The following PSD3 variants were observed in gnomAD, a reference collection of about 807,000 sequenced individuals.
PSD3 encodes the protein PH and SEC7 domain-containing protein 3.
Under a neutral mutation model 105.5 loss-of-function variants are expected in PSD3, and 49 were observed. The ratio of observed to expected loss-of-function variants is 0.46; its 90% CI spans 0.37 to 0.59. The LOEUF (loss-of-function observed/expected upper bound fraction) is 0.59, where lower values mean the gene tolerates loss of function less well. Among genes scored for constraint, PSD3 ranks in the 20% least tolerant of loss-of-function variants. PSD3 has a pLI of 0.00. For missense variants in PSD3, 1,561 were observed against 1,263.8 expected (o/e 1.24, Z -3.57); for synonymous variants, 557 against 457.8 (o/e 1.22, Z -2.77).
intron 2 of PSD3, among the ~76,000 whole-genome samples, chr8:18,929,971 A>G (rs940756307): frequency 6.6e-6 from 1 of 152,210 alleles, no homozygotes; most frequent in Non-Finnish European, 1.5e-5. Flanking sequence ...AGAGTGGAAG[A>G]TCGTACTTTA....
intron 1 of PSD3, among the ~76,000 whole-genome samples, chr8:19,082,721 C>T (rs1368868227): frequency 2.6e-5 from 4 of 152,158 alleles, no homozygotes; most frequent in African/African-American, 7.2e-5. Flanking sequence ...ATGGGGTTTT[C>T]AAGTCATCAG....
At chr8:18,642,919 G>C (rs778337720) in intron 10 of PSD3, among the ~76,000 whole-genome samples, 1 of 152,170 alleles carries the variant, frequency 6.6e-6, no homozygotes, top group Non-Finnish European at 1.5e-5. Flanking sequence ...CCTGAGTTCA[G>C]CTGAGAAAAC....
chr8:18,932,030 AGGT>A, intron 2 of PSD3, among the ~76,000 whole-genome samples: 1 of 152,300 alleles, frequency 6.6e-6, no homozygotes, highest in East Asian at 1.9e-4. Context: ...TAAAAGGCAA[AGGT>A]GACTTCTACT....
intron 2 of PSD3, among the ~76,000 whole-genome samples, chr8:18,902,013 A>C (rs1478375296): frequency 6.6e-6 from 1 of 152,180 alleles, no homozygotes; most frequent in South Asian, 2.1e-4. Context: ...CAGGCAAAAA[A>C]GAAAAAAGAA....
At chr8:19,062,624 A>G (rs1412882913) in intron 1 of PSD3, among the ~76,000 whole-genome samples, 8 of 152,254 alleles carry the variant, frequency 5.3e-5, no homozygotes, top group African/African-American at 9.6e-5. Context: ...AGGGAAAACC[A>G]GTATTATTTT....
chr8:19,001,890 G>GACAAGGC, intron 1 of PSD3: 1 of 185,468 alleles, frequency 5.4e-6, no homozygotes, highest in African/African-American at 2.3e-5. Context: ...AGAAACTGTG[G>GACAAGGC]ACAAGGCACA....
intron 4 of PSD3, among the ~76,000 whole-genome samples, chr8:18,864,220 G>C (rs777082208): frequency 1.3e-5 from 2 of 152,178 alleles, no homozygotes; most frequent in South Asian, 4.1e-4. Flanking sequence ...GTAAGAGCAC[G>C]GGCTCTGGAG....
At chr8:18,791,903 G>A (rs138274973) in intron 8 of PSD3, among the ~76,000 whole-genome samples, 1,726 of 152,232 alleles carry the variant, frequency 0.011, 18 homozygotes, top group Non-Finnish European at 0.018. Context: ...ACATTAAAAA[G>A]TGGGCAAAGG....
chr8:18,712,944 G>A (rs1802344857), intron 9 of PSD3, among the ~76,000 whole-genome samples: 1 of 152,138 alleles, frequency 6.6e-6, no homozygotes, highest in Non-Finnish European at 1.5e-5. Context: ...CCATGATGAA[G>A]TTGGCTTCAT....
chr8:18,662,186 C>T (rs71510615), intron 9 of PSD3, among the ~76,000 whole-genome samples: 12 of 152,090 alleles, frequency 7.9e-5, no homozygotes, highest in Non-Finnish European at 1.5e-4. Context: ...GAAAATTACT[C>T]TTCAAGCCCT....
chr8:18,613,568 C>T (rs1376051874), intron 11 of PSD3, among the ~76,000 whole-genome samples: 1 of 152,110 alleles, frequency 6.6e-6, no homozygotes, highest in Non-Finnish European at 1.5e-5. Context: ...GCTAGAGTCA[C>T]AGAATTATTT....
At chr8:18,810,040 C>T (rs1563298358) in intron 4 of PSD3, among the ~76,000 whole-genome samples, 1 of 152,130 alleles carries the variant, frequency 6.6e-6, no homozygotes. Flanking sequence ...TTTTTTCAAC[C>T]TGTCCTCTAC....
At position 18,712,108 on chromosome 8, in the gene PSD3, G is replaced by A. The variant is rs770642962; in HGVS notation, c.2172+53341C>T. Among the ~76,000 whole-genome samples the A allele has an allele frequency of 6.6e-4, 100 of 152,070 alleles. 1 individual carries two copies. Among genetic ancestry groups the A allele is most frequent in the Non-Finnish European group, 2.4e-4 (16 of 68,014 alleles). On this transcript the variant is annotated intron_variant, in intron 9 of 15. Transcript: ENST00000327040. ...ACAAAGACAATGTACCAGAATCTCTGGGACACAGCTAAAGCAATGTTAAGA... is the reference window on the plus strand; with the variant it reads ...ACAAAGACAATGTACCAGAATCTCTAGGACACAGCTAAAGCAATGTTAAGA...
At chr8:18,878,206 T>G (rs911190929) in intron 2 of PSD3, among the ~76,000 whole-genome samples, 55 of 152,340 alleles carry the variant, frequency 3.6e-4, no homozygotes, top group African/African-American at 1.3e-3. Context: ...CTATTTCTTT[T>G]GATATTGCTT....
chr8:18,720,498 T>A (rs1279940800), intron 9 of PSD3, among the ~76,000 whole-genome samples: 1 of 152,174 alleles, frequency 6.6e-6, no homozygotes, highest in Non-Finnish European at 1.5e-5. Context: ...TCAGACTACC[T>A]GGAATTATAT....
intron 4 of PSD3, among the ~76,000 whole-genome samples, chr8:18,849,927 G>A (rs184392666): frequency 5.9e-5 from 9 of 152,326 alleles, no homozygotes; most frequent in Admixed American, 5.2e-4. Context: ...CCCACCACTA[G>A]AGCTATTAAT....
intron 9 of PSD3, among the ~76,000 whole-genome samples, chr8:18,717,918 G>C (rs1802703923): frequency 6.6e-6 from 1 of 152,158 alleles, no homozygotes; most frequent in Admixed American, 6.5e-5. Context: ...TGCTCCATAG[G>C]ATTAGACTAA....
chr8:18,578,721 A>G (rs2717714), intron 12 of PSD3, among the ~76,000 whole-genome samples: 140,413 of 151,696 alleles, frequency 0.93, 65,101 homozygotes, highest in East Asian at 1. Context: ...TTCTTATGCT[A>G]CTCTTAAAAA....
At chr8:19,079,560 A>G (rs1829574917) in intron 1 of PSD3, among the ~76,000 whole-genome samples, 1 of 152,226 alleles carries the variant, frequency 6.6e-6, no homozygotes, top group Non-Finnish European at 1.5e-5. Flanking sequence ...GGCTTGAATA[A>G]CGAAATGTTT....
Sources: gnomAD v4.1 joint callset for allele counts (sites outside exome capture counted in the v4.1 genomes callset) on GRCh38, gnomAD v4.1.1 for gene constraint, MANE v1.5 for transcripts, NCBI Gene and HGNC (gene_info 2026-07-23, HGNC 2026-07-21) for gene names.